The following FRMPD4 variants were observed in gnomAD, a reference collection of about 807,000 sequenced individuals.
FRMPD4 encodes FERM and PDZ domain-containing protein 4.
FRMPD4 carries 22 observed loss-of-function variants against 94.1 expected under a neutral mutation model. That is an observed-to-expected ratio of 0.23 (90% CI 0.17 to 0.33). The LOEUF (loss-of-function observed/expected upper bound fraction) is 0.33, where lower values mean the gene tolerates loss of function less well. FRMPD4 is among the 10% of genes least tolerant of loss of function. The pLI, the probability that FRMPD4 is intolerant of heterozygous loss-of-function variation, is 1.00. For synonymous variants in FRMPD4, 631 were observed against 548.6 expected, an observed-to-expected ratio of 1.15 and a Z score of -2.10; for missense variants, 1,111 against 1,339.9, an observed-to-expected ratio of 0.83 and a Z score of 2.67.
At chrX:12,544,527 AGC>A (rs2058454332) in intron 2 of FRMPD4, among the ~76,000 whole-genome samples, 1 of 111,864 alleles carries the variant, frequency 8.9e-6, no homozygotes, top group East Asian at 2.8e-4. Context: ...CAGAGTTGAA[AGC>A]TATGTGGGCA....
At chrX:12,625,462 TA>T (rs959062652) in intron 4 of FRMPD4, among the ~76,000 whole-genome samples, 18 of 110,365 alleles carry the variant, frequency 1.6e-4, no homozygotes, top group African/African-American at 3.9e-4. Flanking sequence ...TATCCAGCAA[TA>T]AAAAAAAATC....
intron 1 of FRMPD4, among the ~76,000 whole-genome samples, chrX:12,338,513 G>A (rs1034125786): frequency 8.9e-6 from 1 of 112,152 alleles, no homozygotes; most frequent in African/African-American, 3.2e-5. Context: ...ACAGTCTCTT[G>A]TCTGAAAGAA....
At chrX:11,868,539 G>A (rs1411368372) in intron 2 of FRMPD4, among the ~76,000 whole-genome samples, 1 of 100,405 alleles carries the variant, frequency 1.0e-5, no homozygotes, top group African/African-American at 3.7e-5. Flanking sequence ...TTTCCAACTG[G>A]AGATGTATTC....
intron 1 of FRMPD4, among the ~76,000 whole-genome samples, chrX:12,326,912 C>A (rs1449655931): frequency 9.0e-6 from 1 of 110,943 alleles, no homozygotes; most frequent in Non-Finnish European, 1.9e-5. Flanking sequence ...CAGTGAATTA[C>A]GATCGCACCA....
At chrX:12,697,977 G>T (rs997395728) in intron 9 of FRMPD4, among the ~76,000 whole-genome samples, 3 of 112,043 alleles carry the variant, frequency 2.7e-5, no homozygotes, top group African/African-American at 9.7e-5. Context: ...CACAGAATGC[G>T]TGCTACCATA....
intron 2 of FRMPD4, among the ~76,000 whole-genome samples, chrX:12,590,125 A>G (rs1602175679): frequency 8.9e-6 from 1 of 112,412 alleles, no homozygotes; most frequent in Middle Eastern, 4.6e-3. Flanking sequence ...CAAGCAATTT[A>G]TTTCCAAAGG....
At chrX:12,405,443 G>C (rs1034617998) in intron 1 of FRMPD4, among the ~76,000 whole-genome samples, 1 of 110,464 alleles carries the variant, frequency 9.1e-6, no homozygotes, top group African/African-American at 3.3e-5. Context: ...GAGATGTTTT[G>C]ATACAGGCAT....
At chrX:12,594,456 G>T (rs1349801882) in intron 2 of FRMPD4, among the ~76,000 whole-genome samples, 1 of 105,694 alleles carries the variant, frequency 9.5e-6, no homozygotes, top group Non-Finnish European at 1.9e-5. Flanking sequence ...TATTTTTTGA[G>T]ATGGAGTCTC....
intron 1 of FRMPD4, among the ~76,000 whole-genome samples, chrX:12,278,143 C>G (rs1244750543): frequency 8.9e-6 from 1 of 112,541 alleles, no homozygotes; most frequent in East Asian, 2.8e-4. Flanking sequence ...TCACTAGTCT[C>G]AGAAATCTCC....
At chrX:12,476,885 A>G (rs1176337649) in intron 1 of FRMPD4, among the ~76,000 whole-genome samples, 2 of 111,966 alleles carry the variant, frequency 1.8e-5, no homozygotes, top group African/African-American at 6.5e-5. Flanking sequence ...AACTAGTTCA[A>G]CCATTGTGGA....
At chrX:12,084,919 T>C (rs1277855550) in intron 3 of FRMPD4, among the ~76,000 whole-genome samples, 10 of 112,077 alleles carry the variant, frequency 8.9e-5, no homozygotes, top group Middle Eastern at 9.2e-3. Flanking sequence ...GAGAAAAGTG[T>C]TGGGGAAAAG....
At chrX:12,247,284 G>A (rs1205781625) in intron 1 of FRMPD4, among the ~76,000 whole-genome samples, 1 of 111,201 alleles carries the variant, frequency 9.0e-6, no homozygotes, top group Non-Finnish European at 1.9e-5. Context: ...GAAGAGAGGA[G>A]CAAAATCACT....
chrX:12,283,299 A>G (rs865823680), intron 1 of FRMPD4, among the ~76,000 whole-genome samples: 2 of 113,220 alleles, frequency 1.8e-5, no homozygotes, highest in Admixed American at 9.3e-5. Flanking sequence ...ATTATTTGCA[A>G]TTAGTTACAT....
rs760982387 is a variant in FRMPD4 at position 12,492,133 on chromosome X, T to TGC, written c.42-6547_42-6546insGC. On this transcript the variant is annotated intron_variant, in intron 1 of 16. Transcript: ENST00000675598. ...TTCGGGGCAGGGCTGCATCTAACTT[T>TGC]AATGGCAACCACTGCATGTGATGTC... Among the ~76,000 whole-genome samples, 6 of 112,153 alleles carry TGC rather than the reference T, an allele frequency of 5.3e-5. No homozygotes were observed. The South Asian group carries it at 1.5e-3, about 28-fold the overall frequency.
chrX:12,189,366 C>T (rs1467370706), intron 1 of FRMPD4, among the ~76,000 whole-genome samples: 2 of 111,088 alleles, frequency 1.8e-5, no homozygotes, highest in Admixed American at 1.9e-4. Context: ...TATACCAGTC[C>T]TCTACAACCT....
chrX:12,625,429 A>G (rs1422123160), intron 4 of FRMPD4, among the ~76,000 whole-genome samples: 1 of 112,182 alleles, frequency 8.9e-6, no homozygotes, highest in Non-Finnish European at 1.9e-5. Flanking sequence ...AAATGAATGT[A>G]GTATATATAC....
At chrX:12,363,476 C>T (rs1601860178) in intron 1 of FRMPD4, among the ~76,000 whole-genome samples, 1 of 112,205 alleles carries the variant, frequency 8.9e-6, no homozygotes, top group African/African-American at 3.2e-5. Context: ...CTAGCTGACA[C>T]GCTAAGGAGA....
intron 1 of FRMPD4, among the ~76,000 whole-genome samples, chrX:12,422,765 T>G (rs915250032): frequency 4.2e-4 from 47 of 112,337 alleles, no homozygotes; most frequent in African/African-American, 1.4e-3. Context: ...AGTAACCCTC[T>G]TGCTTTTTGG....
chrX:12,688,745 CTT>C (rs371548205), intron 7 of FRMPD4, among the ~76,000 whole-genome samples: 1,230 of 92,018 alleles, frequency 0.013, 20 homozygotes, highest in African/African-American at 0.047. Flanking sequence ...GCAGGGAAAT[CTT>C]TTTTTTTTTT....
Sources: allele counts gnomAD v4.1 joint callset (sites outside exome capture counted in the v4.1 genomes callset), GRCh38; gene constraint gnomAD v4.1.1; transcripts MANE v1.5; gene names NCBI Gene and HGNC (gene_info 2026-07-23, HGNC 2026-07-21).